The following LYPD6 variants were observed in gnomAD, a reference collection of about 807,000 sequenced individuals.
LYPD6 encodes LY6/PLAUR domain containing 6.
LYPD6 carries 15 observed loss-of-function variants against 22.7 expected under a neutral mutation model. The ratio of observed to expected loss-of-function variants is 0.66; its 90% CI spans 0.44 to 1.02. LYPD6 has a LOEUF of 1.02. Ranked by LOEUF, LYPD6 falls within the 50% of genes least tolerant of loss-of-function variation. The pLI is 0.00. For missense variants in LYPD6, 189 were observed against 208.4 expected (o/e 0.91, Z 0.57); for synonymous variants, 72 against 77.5 (o/e 0.93, Z 0.37).
intron 1 of LYPD6, among the ~76,000 whole-genome samples, chr2:149,366,354 G>T (rs1370643712): frequency 6.6e-6 from 1 of 152,128 alleles, no homozygotes; most frequent in Non-Finnish European, 1.5e-5. Flanking sequence ...ACACTGCATT[G>T]GTAGATAAGG....
intron 1 of LYPD6, among the ~76,000 whole-genome samples, chr2:149,379,038 A>G (rs1399284388): frequency 1.3e-5 from 2 of 152,248 alleles, no homozygotes; most frequent in Non-Finnish European, 2.9e-5. Flanking sequence ...TATTTGAAGA[A>G]GTTATGAATT....
intron 1 of LYPD6, among the ~76,000 whole-genome samples, chr2:149,383,445 T>C (rs2105090148): frequency 6.6e-6 from 1 of 152,264 alleles, no homozygotes; most frequent in African/African-American, 2.4e-5. Context: ...ATCACAAAAT[T>C]AAACTCAACA....
chr2:149,341,001 A>G lies in LYPD6; in HGVS notation c.-72+10279A>G, dbSNP rs569667738. ...AAATTCACTTTCAAGTGTTCTAAAA[A>G]TATTGCCATTTAAAAATACTGACTT... On this transcript the variant is annotated intron_variant, in intron 1 of 4. Transcript: ENST00000334166. Among the ~76,000 whole-genome samples the G allele has an allele frequency of 3.6e-3, 487 of 137,178 alleles. 3 individuals are homozygous for G. The highest frequency in any genetic ancestry group is 0.011 in the Middle Eastern group (3 of 282). The allele number at this position is 137,178 out of a possible 152,430, so 90.0% of individuals were successfully genotyped here.
intron 1 of LYPD6, among the ~76,000 whole-genome samples, chr2:149,428,435 C>T (rs1355526697): frequency 6.6e-6 from 1 of 152,196 alleles, no homozygotes; most frequent in African/African-American, 2.4e-5. Context: ...TCTCTCTCAT[C>T]ACCGTTTCTC....
chr2:149,407,606 G>T (rs35369189), intron 1 of LYPD6, among the ~76,000 whole-genome samples: 1 of 152,072 alleles, frequency 6.6e-6, no homozygotes, highest in Non-Finnish European at 1.5e-5. Flanking sequence ...GCACTTCTCT[G>T]TATTGGTTAT....
rs545199698 is a variant in LYPD6 at position 149,426,080 on chromosome 2, G to T, written c.-71-11558G>T. Among the ~76,000 whole-genome samples, 19 of 152,292 alleles carry T rather than the reference G, an allele frequency of 1.2e-4. No homozygotes were observed. In the East Asian group the frequency reaches 3.1e-3, roughly 25 times the overall value. ...ATGAACCCAGTGGTTTGCAAATAGG[G>T]TTAGCCATAGGGTTTTTACCTAAGT... is the stretch of plus-strand genomic sequence containing the variant. On this transcript the variant is annotated intron_variant, in intron 1 of 4. Coordinates refer to ENST00000334166, the MANE Select transcript of LYPD6 (RefSeq NM_194317.5).
chr2:149,436,729 C>T (rs1683439133), intron 1 of LYPD6, among the ~76,000 whole-genome samples: 1 of 152,136 alleles, frequency 6.6e-6, no homozygotes, highest in East Asian at 1.9e-4. Flanking sequence ...TTACAGGTGC[C>T]TGCCACCACA....
At chr2:149,358,732 C>T (rs747173382) in intron 1 of LYPD6, among the ~76,000 whole-genome samples, 17 of 151,892 alleles carry the variant, frequency 1.1e-4, no homozygotes, top group South Asian at 2.1e-4. Flanking sequence ...AGTTTTCCAA[C>T]GTTTTTGGTT....
At chr2:149,439,774 AG>A (rs1412617570) in intron 2 of LYPD6, 1 of 152,202 alleles carries the variant, frequency 6.6e-6, no homozygotes, top group Non-Finnish European at 1.5e-5. Flanking sequence ...TTGATGAAAA[AG>A]TTCTGCTCAT....
chr2:149,358,285 TTACTC>T (rs1417277230), intron 1 of LYPD6, among the ~76,000 whole-genome samples: 1 of 152,184 alleles, frequency 6.6e-6, no homozygotes, highest in African/African-American at 2.4e-5. Context: ...CAAACATCGA[TTACTC>T]TACCTCTGGG....
intron 3 of LYPD6, among the ~76,000 whole-genome samples, chr2:149,453,598 AG>A (rs1388105510): frequency 6.6e-6 from 1 of 152,224 alleles, no homozygotes; most frequent in African/African-American, 2.4e-5. Context: ...GTAAAGAAAA[AG>A]CTGGACATAT....
chr2:149,447,857 T>C (rs1466475812), intron 2 of LYPD6, among the ~76,000 whole-genome samples: 1 of 152,206 alleles, frequency 6.6e-6, no homozygotes, highest in Non-Finnish European at 1.5e-5. Flanking sequence ...TACATGATGC[T>C]GAGTGTGGTA....
intron 1 of LYPD6, among the ~76,000 whole-genome samples, chr2:149,355,391 A>T (rs545424812): frequency 6.6e-6 from 1 of 152,364 alleles, no homozygotes; most frequent in Non-Finnish European, 1.5e-5. Context: ...TCTCATAAAC[A>T]TTAGCATTTT....
intron 1 of LYPD6, among the ~76,000 whole-genome samples, chr2:149,348,061 C>CAAAAAAAAAAAAAA (rs58228847): frequency 2.1e-4 from 16 of 76,666 alleles, no homozygotes; most frequent in Admixed American, 6.9e-4. Context: ...ACTAAAAATA[C>CAAAAAAAAAAAAAA]AAAAAAAAAA....
intron 1 of LYPD6, among the ~76,000 whole-genome samples, chr2:149,431,502 C>T (rs1559150176): frequency 6.6e-6 from 1 of 152,186 alleles, no homozygotes; most frequent in Admixed American, 6.5e-5. Flanking sequence ...GCATGCCACT[C>T]ATTTTTCATT....
chr2:149,376,373 G>A (rs945352291), intron 1 of LYPD6, among the ~76,000 whole-genome samples: 3 of 152,110 alleles, frequency 2.0e-5, no homozygotes, highest in South Asian at 4.2e-4. Context: ...CCTCACCCAC[G>A]CCATTCTGAG....
At chr2:149,450,251 C>T (rs1385547547) in intron 3 of LYPD6, among the ~76,000 whole-genome samples, 1 of 152,166 alleles carries the variant, frequency 6.6e-6, no homozygotes, top group Non-Finnish European at 1.5e-5. Flanking sequence ...TGCTCCCACC[C>T]ACTTCTTCAC....
intron 1 of LYPD6, among the ~76,000 whole-genome samples, chr2:149,357,523 A>C (rs1456642839): frequency 6.6e-6 from 1 of 152,212 alleles, no homozygotes; most frequent in East Asian, 1.9e-4. Flanking sequence ...TATATCCCCA[A>C]AGGCTAAAAC....
chr2:149,481,219 A>C, the LYPD6 span, among the ~76,000 whole-genome samples: 2,048 of 152,342 alleles, frequency 0.013, 17 homozygotes, highest in Non-Finnish European at 0.02. Flanking sequence ...ATCTCAAGGC[A>C]TCACAGCTAG....
Sources: allele counts gnomAD v4.1 joint callset (sites outside exome capture counted in the v4.1 genomes callset), GRCh38; gene constraint gnomAD v4.1.1; transcripts MANE v1.5; gene names NCBI Gene and HGNC (gene_info 2026-07-23, HGNC 2026-07-21).